NT5DC2: variants seen among roughly 807,000 people sequenced by gnomAD.
NT5DC2 encodes the protein 5'-nucleotidase domain-containing protein 2.
A neutral mutation model predicts 70.0 loss-of-function variants in NT5DC2; 41 were observed. The observed-to-expected ratio is 0.59, with a 90% CI of 0.46 to 0.76. The LOEUF (loss-of-function observed/expected upper bound fraction) is 0.76, where lower values mean the gene tolerates loss of function less well. Among genes scored for constraint, NT5DC2 ranks in the 30% least tolerant of loss-of-function variants. The pLI is 0.00. For missense variants in NT5DC2, 705 were observed against 783.2 expected, an observed-to-expected ratio of 0.90 and a Z score of 1.19; for synonymous variants, 299 against 310.4, an observed-to-expected ratio of 0.96 and a Z score of 0.39.
upstream of NT5DC2, chr3:52,534,441 G>C (rs1165575602): frequency 1.1e-5 from 17 of 1,600,260 alleles, no homozygotes; most frequent in Non-Finnish European, 1.4e-5. Flanking sequence ...GCCGACGTCC[G>C]CTAACCAGGT....
upstream of NT5DC2, chr3:52,534,718 A>C (rs2079406296): frequency 1.3e-6 from 2 of 1,547,768 alleles, no homozygotes; most frequent in African/African-American, 2.7e-5. Flanking sequence ...GGTCCGGAGG[A>C]GGCCGACCCA....
In NT5DC2 at chr3:52,527,158, G is replaced by A. The variant is rs965616838; in HGVS notation, c.1119+136C>T. 3.6e-5 allele frequency: 28 copies of A among 768,946 alleles called. No individual in the cohort carries two copies. In the East Asian group the frequency reaches 5.3e-4, roughly 15 times the overall value. The allele number at this position is 768,946 out of a possible 1,614,324, so 47.6% of individuals were successfully genotyped here. ...TCGAGGCCACCCAGACCTGCTCCCTGCCAGCCATTGCCTGTGTGAGGCTGC... is the reference window on the plus strand; with the variant it reads ...TCGAGGCCACCCAGACCTGCTCCCTACCAGCCATTGCCTGTGTGAGGCTGC... On this transcript the variant is annotated intron_variant, in intron 10 of 13. Transcript: ENST00000422318.
At position 52,527,948 on chromosome 3, in the gene NT5DC2, G is replaced by C; in HGVS notation, c.833-17C>G. ...TGTACTTCTCTAATGGGGCAGATGA[G>C]TCTGTGAGGGTCAGTCCTGCCACCT... On this transcript the variant is annotated splice_polypyrimidine_tract_variant and intron_variant, in intron 7 of 13. Transcript: ENST00000422318. The C allele has an allele frequency of 6.2e-7, 1 of 1,613,432 alleles. No homozygotes were observed. The highest frequency in any genetic ancestry group is 8.5e-7 in the Non-Finnish European group (1 of 1,179,886).
rs778481740 is a variant in NT5DC2 at position 52,529,206 on chromosome 3, C to T, written c.361G>A (p.Ala121Thr). The change falls in exon 2 of 14, where the codon GCA (alanine) becomes ACA (threonine). Residue 121 changes from alanine to threonine, a missense_variant. Transcript: ENST00000422318. The surrounding 1 kb of genome is among the most constrained non-coding windows in gnomAD (Gnocchi z 4.1). ...GTACTGAAGATCTCGGGGTGCAGTG[C>T]GTCTGCATACTGGGCCAGGGTGTAG... is the stretch of plus-strand genomic sequence containing the variant. Reference protein sequence around the residue: ...YDYTLAQYADALHPEIFSTAR... With the variant: ...YDYTLAQYADTLHPEIFSTAR... 1.9e-6 allele frequency: 3 copies of T among 1,614,040 alleles called. No individual in the cohort carries two copies. The highest frequency in any genetic ancestry group is 1.7e-6 in the Non-Finnish European group (2 of 1,179,986).
At chr3:52,534,661 G>A (rs372864136), upstream of NT5DC2, 14 of 1,607,852 alleles carry the variant, frequency 8.7e-6, no homozygotes, top group Admixed American at 1.8e-4. Flanking sequence ...CATTTCTTCT[G>A]CTCAGATCCG....
rs975208046 is a variant in NT5DC2, at chr3:52,524,649, G to A, written c.1495C>T (p.Leu499Phe). ...ATGTAGAGGTCAGAGAAGCGCACGA[G>A]GCGCCTTGAGAAGTAGGTGGGGTTG... ...FHNPTYFSRRLVRFSDLYMAS... is the reference protein window; with the variant it reads ...FHNPTYFSRRFVRFSDLYMAS... The change falls in exon 14 of 14, where the codon CTC becomes TTC. Residue 499 changes from leucine (L) to phenylalanine (F), a missense_variant. Leu to Phe is a conservative substitution (Grantham distance 22, BLOSUM62 0). Transcript: ENST00000422318. 8.1e-6 allele frequency: 13 copies of A among 1,612,966 alleles called. No individual in the cohort carries two copies. Among genetic ancestry groups the A allele is most frequent in the Middle Eastern group, 1.6e-4 (1 of 6,084 alleles).
chr3:52,532,130 A>C, intron 1 of NT5DC2: 3 of 964,652 alleles, frequency 3.1e-6, no homozygotes, highest in South Asian at 9.6e-5. Context: ...CTCGGCGCCC[A>C]GAGGTGTGAA....
chr3:52,525,010 A>G lies in NT5DC2; in HGVS notation c.1300T>C (p.Ser434Pro), dbSNP rs2079229033. Reference sequence around the variant, plus strand: ...GTGAGCGCCTGCTGCCACGTCAGCGAGTGCATGTACTGCTCCGTGTTGATG... The same window carrying G: ...GTGAGCGCCTGCTGCCACGTCAGCGGGTGCATGTACTGCTCCGTGTTGATG... ...RIINTEQYMH[S>P]LTWQQALTGL... Residue 434 changes from serine (S) to proline (P), a missense_variant, in exon 12 of 14, where the codon TCG becomes CCG. Coordinates refer to ENST00000422318, the MANE Select transcript of NT5DC2 (RefSeq NM_001134231.2). The G allele has an allele frequency of 6.2e-7, 1 of 1,610,674 alleles. No individual in the cohort carries two copies. Among genetic ancestry groups the G allele is most frequent in the South Asian group, 1.1e-5 (1 of 90,776 alleles).
rs1467367367 is a variant in NT5DC2, at chr3:52,527,393, G to C, written c.1038-18C>G. The C allele has an allele frequency of 3.7e-6, 6 of 1,613,054 alleles. No individual in the cohort carries two copies. Among genetic ancestry groups the C allele is most frequent in the Non-Finnish European group, 5.1e-6 (6 of 1,179,154 alleles). On this transcript the variant is annotated intron_variant, in intron 9 of 13. Coordinates refer to ENST00000422318, the MANE Select transcript of NT5DC2 (RefSeq NM_001134231.2). ...TGAAAGGCCTGGGGTGCAGGTAAAG[G>C]GCATGACTTCCAGTCTGTGGCTGGG...
chr3:52,525,243 A>T lies in NT5DC2; in HGVS notation c.1172T>A (p.Leu391His). Reference protein sequence around the residue: ...RLTEWRGPRVLYFGDHLYSDL... With the variant: ...RLTEWRGPRVHYFGDHLYSDL... ...ACTATAGAGGTGGTCCCCGAAGTAG[A>T]GCACGCGGGGGCCACGCCATTCCGT... is the stretch of plus-strand genomic sequence containing the variant. Residue 391 changes from leucine to histidine, a missense_variant, in exon 11 of 14, where the codon CTC (leucine) becomes CAC (histidine). Leu to His is a moderately conservative substitution (Grantham distance 99). Transcript: ENST00000422318. The T allele has an allele frequency of 6.2e-7, 1 of 1,612,764 alleles. No homozygotes were observed. The highest frequency in any genetic ancestry group is 8.5e-7 in the Non-Finnish European group (1 of 1,179,940).
chr3:52,528,242 C>G lies in NT5DC2; in HGVS notation c.712G>C (p.Asp238His). 3 of 1,613,392 alleles carry G rather than the reference C, an allele frequency of 1.9e-6. No individual in the cohort carries two copies. Among genetic ancestry groups the G allele is most frequent in the Non-Finnish European group, 2.5e-6 (3 of 1,180,028 alleles). ...PEMALLSCVV[D>H]YFLGHSLEFD... Reference sequence around the variant, plus strand: ...TCCAGGCTGTGGCCCAGAAAGTAGTCCACCACACAGGACAGCAGAGCCATC... The same window carrying G: ...TCCAGGCTGTGGCCCAGAAAGTAGTGCACCACACAGGACAGCAGAGCCATC... Residue 238 changes from aspartate to histidine, a missense_variant, in exon 6 of 14, where the codon GAC (aspartate) becomes CAC (histidine). Transcript: ENST00000422318.
Position 52,529,107 on chromosome 3 carries a change from C to G in NT5DC2, c.417+43G>C. 6.2e-7 allele frequency: 1 copy of G among 1,612,452 alleles called. No homozygotes were observed. The highest frequency in any genetic ancestry group is 8.5e-7 in the Non-Finnish European group (1 of 1,178,830). ...TTAGGCCAAGGTGGGTCTGGCCAGCCTCCAAGCCCTGGGTTTGTTGGTGGC... is the reference window on the plus strand; with the variant it reads ...TTAGGCCAAGGTGGGTCTGGCCAGCGTCCAAGCCCTGGGTTTGTTGGTGGC... On this transcript the variant is annotated intron_variant, in intron 2 of 13. Transcript: ENST00000422318. The surrounding 1 kb of genome is among the most constrained non-coding windows in gnomAD (Gnocchi z 4.1).
At chr3:52,525,353 C>G in intron 10 of NT5DC2, 58 bp from the exon 11 acceptor site, 1 of 1,390,066 alleles carries the variant, frequency 7.2e-7, no homozygotes, top group Non-Finnish European at 1.0e-6. Flanking sequence ...CACCAGTCCT[C>G]CCTCCCGAAT....
chr3:52,527,946 G>A lies in NT5DC2; in HGVS notation c.833-15C>T, dbSNP rs2153236364. On this transcript the variant is annotated splice_polypyrimidine_tract_variant and intron_variant, in intron 7 of 13. Transcript: ENST00000422318. ...GATGTACTTCTCTAATGGGGCAGAT[G>A]AGTCTGTGAGGGTCAGTCCTGCCAC... is the stretch of plus-strand genomic sequence containing the variant. 5 of 1,613,430 alleles carry A rather than the reference G, an allele frequency of 3.1e-6. No homozygotes were observed. The highest frequency in any genetic ancestry group is 4.2e-6 in the Non-Finnish European group (5 of 1,179,880).
At chr3:52,534,252 C>G (rs1296647495), upstream of NT5DC2, 1 of 528,894 alleles carries the variant, frequency 1.9e-6, no homozygotes, top group Non-Finnish European at 3.4e-6. Flanking sequence ...CTCCGCTCCT[C>G]CCCCTAGTCC....
Position 52,524,854 on chromosome 3 carries a change from C to T in NT5DC2, c.1375G>A (p.Val459Met). 1 of 1,612,366 alleles carries T rather than the reference C, an allele frequency of 6.2e-7. No individual in the cohort carries two copies. Among genetic ancestry groups the T allele is most frequent in the Non-Finnish European group, 8.5e-7 (1 of 1,179,776 alleles). ...CGCTCTTTCATCCAGGCAGCCAGCA[C>T]CTGCCTCGACTCCGCGTCCTGATAG... Reference protein sequence around the residue: ...QTYQDAESRQVLAAWMKERQE... With the variant: ...QTYQDAESRQMLAAWMKERQE... Residue 459 changes from valine to methionine, a missense_variant, in exon 13 of 14, where the codon GTG becomes ATG. Coordinates refer to ENST00000422318, the MANE Select transcript of NT5DC2 (RefSeq NM_001134231.2).
upstream of NT5DC2, chr3:52,534,934 T>C (rs746545520): frequency 1.2e-5 from 5 of 420,946 alleles, no homozygotes; most frequent in Non-Finnish European, 2.1e-5. Flanking sequence ...AGGGCCCCAG[T>C]GAGCAAGTGG....
At position 52,524,746 on chromosome 3, in the gene NT5DC2, A is replaced by G. The variant is rs2079214812; in HGVS notation, c.1413-15T>C. 6.2e-7 allele frequency: 1 copy of G among 1,612,658 alleles called. No individual in the cohort carries two copies. The highest frequency in any genetic ancestry group is 8.5e-7 in the Non-Finnish European group (1 of 1,179,918). On this transcript the variant is annotated splice_polypyrimidine_tract_variant and intron_variant, in intron 13 of 13. Coordinates refer to ENST00000422318, the MANE Select transcript of NT5DC2 (RefSeq NM_001134231.2). ...TGGTGATGCACCTGGCGAGGGAGACACGATGCGCTCAAGGGGTGGGCCTGG... is the reference window on the plus strand; with the variant it reads ...TGGTGATGCACCTGGCGAGGGAGACGCGATGCGCTCAAGGGGTGGGCCTGG...
At position 52,529,584 on chromosome 3, in the gene NT5DC2, C is replaced by A. The variant is rs2079332918; in HGVS notation, c.233-250G>T. On this transcript the variant is annotated intron_variant, in intron 1 of 13. Coordinates refer to ENST00000422318, the MANE Select transcript of NT5DC2 (RefSeq NM_001134231.2). The surrounding 1 kb of genome is among the most constrained non-coding windows in gnomAD (Gnocchi z 4.1). ...CATGGTTACACCTGCCTACATTACACTATCTCCTATAGCCCACCAGGTATA... is the reference window on the plus strand; with the variant it reads ...CATGGTTACACCTGCCTACATTACAATATCTCCTATAGCCCACCAGGTATA... 6.6e-6 allele frequency among the ~76,000 whole-genome samples: 1 copy of A among 152,128 alleles called. No homozygotes were observed. The highest frequency in any genetic ancestry group is 2.4e-5 in the African/African-American group (1 of 41,400).
Sources: allele counts gnomAD v4.1 joint callset (sites outside exome capture counted in the v4.1 genomes callset), GRCh38; gene constraint gnomAD v4.1.1; non-coding constraint Gnocchi (gnomAD v3.1); transcripts MANE v1.5; gene names NCBI Gene and HGNC (gene_info 2026-07-23, HGNC 2026-07-21).